Variants in RUFY3 observed in about 807,000 individuals in gnomAD.
RUFY3 encodes the protein protein RUFY3.
Under a neutral mutation model 84.0 loss-of-function variants are expected in RUFY3, and 34 were observed. The observed-to-expected ratio is 0.40, with a 90% CI of 0.31 to 0.54. The LOEUF is 0.54. RUFY3 is among the 20% of genes least tolerant of loss of function. The pLI is 0.39. For synonymous variants in RUFY3, 242 were observed against 252.9 expected (o/e 0.96, Z 0.41); for missense variants, 507 against 736.8 (o/e 0.69, Z 3.61).
intron 10 of RUFY3, 28 bp downstream of exon 10, chr4:70,784,907 CA>C: frequency 6.7e-7 from 1 of 1,489,736 alleles, no homozygotes; most frequent in Non-Finnish European, 9.2e-7. Flanking sequence ...TCTAATAGTT[CA>C]GGAATATATT....
chr4:70,785,715 TA>T (rs1729681360), intron 10 of RUFY3, among the ~76,000 whole-genome samples: 1 of 151,368 alleles, frequency 6.6e-6, no homozygotes, highest in Admixed American at 6.6e-5. Flanking sequence ...CATGCACCTG[TA>T]ATCCCAGCTA....
intron 1 of RUFY3, among the ~76,000 whole-genome samples, chr4:70,742,756 G>A (rs529946824): frequency 6.6e-6 from 1 of 152,124 alleles, no homozygotes; most frequent in Non-Finnish European, 1.5e-5. Flanking sequence ...CAGTAGATCT[G>A]GTCATTACCA....
chr4:70,760,467 A>G (rs1445743539), intron 1 of RUFY3, among the ~76,000 whole-genome samples: 1 of 152,012 alleles, frequency 6.6e-6, no homozygotes, highest in Non-Finnish European at 1.5e-5. Context: ...ATCTAGTACC[A>G]ACCATAGTCT....
intron 4 of RUFY3, among the ~76,000 whole-genome samples, chr4:70,767,259 ATTTTTTTTTTTTTTT>A (rs779388140): frequency 2.0e-5 from 1 of 49,690 alleles, no homozygotes; most frequent in Non-Finnish European, 4.3e-5. Flanking sequence ...CTAATTTTGT[ATTTTTTTTTTTTTTT>A]TTTTTTTTTT....
intron 1 of RUFY3, among the ~76,000 whole-genome samples, chr4:70,739,932 A>G (rs1578029715): frequency 6.7e-6 from 1 of 149,972 alleles, no homozygotes; most frequent in Non-Finnish European, 1.5e-5. Context: ...CGGAGGCTGC[A>G]GTGAGCTGAG....
chr4:70,785,365 C>T (rs577295440), intron 10 of RUFY3, among the ~76,000 whole-genome samples: 10 of 151,942 alleles, frequency 6.6e-5, no homozygotes, highest in African/African-American at 2.4e-4. Context: ...AAAAAAAATA[C>T]ATATCAATAT....
intron 1 of RUFY3, chr4:70,741,647 G>A: frequency 6.6e-7 from 1 of 1,523,186 alleles, no homozygotes; most frequent in Non-Finnish European, 8.8e-7. Flanking sequence ...GGATTTGACA[G>A]ATTTGGTGGA....
In RUFY3 at chr4:70,789,585, G is replaced by T; in HGVS notation, c.1330G>T (p.Glu444Ter). The T allele has an allele frequency of 1.9e-6, 3 of 1,611,920 alleles. No homozygotes were observed. In the South Asian group the frequency reaches 3.3e-5, roughly 18 times the overall value. The change falls in exon 12 of 18, where the codon GAA (glutamate) becomes TAA (stop). Residue 444 changes from glutamate to a stop codon, truncating the protein, a stop_gained. Transcript: ENST00000381006. LOFTEE classifies it high-confidence loss of function. Reference sequence around the variant, plus strand: ...GATGGCTGCTACCATTAAACAACTTGAACAAAGGTAAAAGTCCTGTTTCTT... The same window carrying T: ...GATGGCTGCTACCATTAAACAACTTTAACAAAGGTAAAAGTCCTGTTTCTT... Reference protein sequence around the residue: ...NQMAATIKQLEQRLRQAERSR... With the variant: ...NQMAATIKQL
At chr4:70,720,743 A>G (rs897806715), upstream of RUFY3, among the ~76,000 whole-genome samples, 1 of 152,210 alleles carries the variant, frequency 6.6e-6, no homozygotes, top group Non-Finnish European at 1.5e-5. Flanking sequence ...CTTCAATACA[A>G]AAACAAACAA....
At chr4:70,765,481 G>A (rs574620673) in intron 4 of RUFY3, among the ~76,000 whole-genome samples, 85 of 152,242 alleles carry the variant, frequency 5.6e-4, no homozygotes, top group African/African-American at 1.9e-3. Context: ...TACACAGATA[G>A]ATGTGTTTTT....
At chr4:70,782,519 G>A (rs962343067) in intron 8 of RUFY3, among the ~76,000 whole-genome samples, 6 of 151,946 alleles carry the variant, frequency 3.9e-5, no homozygotes, top group African/African-American at 7.2e-5. Context: ...TCCTGACCTC[G>A]TGATCCGCTC....
chr4:70,792,881 C>A, intron 12 of RUFY3: 7 of 985,358 alleles, frequency 7.1e-6, no homozygotes, highest in Non-Finnish European at 8.4e-6. Context: ...CCTATATAAA[C>A]AAAGCTCCTA....
At position 70,784,835 on chromosome 4, in the gene RUFY3, A is replaced by C; in HGVS notation, c.1027A>C (p.Ser343Arg). 1 of 1,607,368 alleles carries C rather than the reference A, an allele frequency of 6.2e-7. No homozygotes were observed. Among genetic ancestry groups the C allele is most frequent in the Non-Finnish European group, 8.5e-7 (1 of 1,177,322 alleles). The change falls in exon 10 of 18, where the codon AGT (serine) becomes CGT (arginine). Residue 343 changes from serine to arginine, a missense_variant. Ser to Arg is a moderately radical substitution (Grantham distance 110). Transcript: ENST00000381006. ...QDRTAEGQAL[S>R]EARKHLKEET... ...CAGAACTGCAGAAGGGCAAGCACTAAGTGAAGCAAGAAAGCATTTAAAAGA... is the reference window on the plus strand; with the variant it reads ...CAGAACTGCAGAAGGGCAAGCACTACGTGAAGCAAGAAAGCATTTAAAAGA...
At chr4:70,704,988 G>A in exon 1 of RUFY3, 1 of 1,226,368 alleles carries the variant, frequency 8.2e-7, no homozygotes. Context: ...TTGCAGCGAG[G>A]AGCCGGCGAG....
intron 1 of RUFY3, among the ~76,000 whole-genome samples, chr4:70,731,147 C>T (rs906656556): frequency 6.6e-6 from 1 of 151,834 alleles, no homozygotes; most frequent in African/African-American, 2.4e-5. Context: ...AAACAATTCT[C>T]CTGCCTTAGG....
intron 8 of RUFY3, among the ~76,000 whole-genome samples, chr4:70,778,837 C>T (rs963551706): frequency 2.7e-4 from 41 of 152,262 alleles, no homozygotes; most frequent in African/African-American, 9.9e-4. Flanking sequence ...GCCTCAGCCT[C>T]CCAAAGTGCT....
At chr4:70,780,090 A>G (rs1707149006) in intron 8 of RUFY3, among the ~76,000 whole-genome samples, 1 of 152,028 alleles carries the variant, frequency 6.6e-6, no homozygotes, top group Non-Finnish European at 1.5e-5. Flanking sequence ...ATATATCTTA[A>G]AACTTTATGC....
intron 1 of RUFY3, among the ~76,000 whole-genome samples, chr4:70,759,649 A>G (rs1373986267): frequency 1.3e-5 from 2 of 152,170 alleles, no homozygotes; most frequent in Non-Finnish European, 2.9e-5. Flanking sequence ...AACAGTGTAT[A>G]AGAATTCCCT....
chr4:70,735,646 GC>G (rs1243778985), intron 1 of RUFY3, among the ~76,000 whole-genome samples: 1 of 152,024 alleles, frequency 6.6e-6, no homozygotes, highest in Non-Finnish European at 1.5e-5. Context: ...TTCAAGGCCA[GC>G]CTGGGCAACA....
Sources: allele counts gnomAD v4.1 joint callset (sites outside exome capture counted in the v4.1 genomes callset), GRCh38; gene constraint gnomAD v4.1.1; transcripts MANE v1.5; gene names NCBI Gene and HGNC (gene_info 2026-07-23, HGNC 2026-07-21).